The following SAMD11 variants were observed in gnomAD, a reference collection of about 807,000 sequenced individuals.
SAMD11 encodes sterile alpha motif domain containing 11.
SAMD11 carries 77 observed loss-of-function variants against 64.4 expected under a neutral mutation model. The observed-to-expected ratio is 1.20, with a 90% CI of 0.99 to 1.44. The LOEUF is 1.44. Among genes scored for constraint, SAMD11 ranks in the 40% most tolerant of loss-of-function variants. The pLI is 0.00. For synonymous variants in SAMD11, 658 were observed against 421.9 expected (o/e 1.56, Z -6.86); for missense variants, 1,402 against 943.3 (o/e 1.49, Z -6.37).
intron 11 of SAMD11, 64 bp downstream of exon 11, chr1:943,122 G>A (rs1436706946): frequency 1.2e-5 from 18 of 1,559,420 alleles, no homozygotes; most frequent in East Asian, 2.3e-5. Flanking sequence ...CCTGTGGAAG[G>A]GTCTTGGGGG....
intron 3 of SAMD11, 86 bp downstream of exon 3, chr1:930,422 C>A (rs1641116238): frequency 2.2e-6 from 3 of 1,384,996 alleles, no homozygotes; most frequent in African/African-American, 1.5e-5. Context: ...TGAGAGTGTC[C>A]ACACCGGCCT....
At chr1:943,447 T>C (rs970054836) in intron 12 of SAMD11, 70 bp downstream of exon 12, 2 of 1,351,010 alleles carry the variant, frequency 1.5e-6, no homozygotes, top group Non-Finnish European at 2.0e-6. Context: ...CTGGAAAGGA[T>C]GGTGGGGTAG....
At chr1:939,553 G>C in intron 7 of SAMD11, 141 bp downstream of exon 7, 1 of 1,500,678 alleles carries the variant, frequency 6.7e-7, no homozygotes, top group Non-Finnish European at 9.0e-7. Flanking sequence ...TGACACCAAG[G>C]CCAGGCTGGA....
Position 944,009 on chromosome 1 carries a change from A to G in SAMD11, c.2391A>G (p.Thr797=). The change falls in exon 14 of 14, where the codon ACA becomes ACG. Residue 797 remains threonine (T), a synonymous_variant. Transcript: ENST00000616016. ...GGGCCCCGGAGCGAGAACTCGGCAC[A>G]GGAGAGCAGCCCTTGTCCCCCACGA... ...TLRAPERELG[T]GEQPLSPTTA... 1 of 1,612,924 alleles carries G rather than the reference A, an allele frequency of 6.2e-7. No homozygotes were observed. Among genetic ancestry groups the G allele is most frequent in the Non-Finnish European group, 8.5e-7 (1 of 1,180,012 alleles).
At chr1:935,248 C>G (rs1188981313) in intron 4 of SAMD11, among the ~76,000 whole-genome samples, 1 of 152,144 alleles carries the variant, frequency 6.6e-6, no homozygotes, top group Admixed American at 6.5e-5. Flanking sequence ...GCGAGCTGCA[C>G]GTGTCTGCCG....
rs751254863 is a variant in SAMD11 at position 943,017 on chromosome 1, C to T, written c.2012C>T (p.Pro671Leu). The T allele has an allele frequency of 1.9e-4, 288 of 1,532,036 alleles. 2 individuals carry two copies. The East Asian group carries it at 5.8e-3, about 31-fold the overall frequency. The allele number at this position is 1,532,036 out of a possible 1,614,324, so 94.9% of individuals were successfully genotyped here. The change falls in exon 11 of 14, where the codon CCC becomes CTC. Residue 671 changes from proline (P) to leucine (L), a missense_variant. Physicochemically the swap from Pro to Leu is moderately conservative, Grantham distance 98. Transcript: ENST00000616016. ...GKGLFPGSTL[P>L]LGFPYAVSPY... ...GGGCTTTTCCCAGGGTCCACACTGC[C>T]CCTGGGCTTCCCTTATGCCGTCAGC...
intron 4 of SAMD11, among the ~76,000 whole-genome samples, chr1:933,388 C>A (rs925448873): frequency 6.6e-6 from 1 of 152,170 alleles, no homozygotes; most frequent in African/African-American, 2.4e-5. Context: ...CACCCAGCTC[C>A]CCACCAGGTG....
In SAMD11 at chr1:924,792, G is replaced by C. The variant is rs1313980412; in HGVS notation, c.361G>C (p.Gly121Arg). The C allele has an allele frequency of 6.6e-6, 1 of 152,172 alleles. No homozygotes were observed. The highest frequency in any genetic ancestry group is 2.4e-5 in the African/African-American group (1 of 41,444). 9.4% of individuals were successfully genotyped at this position (152,172 alleles called of 1,614,324 possible). The change falls in exon 1 of 14, where the codon GGC becomes CGC. Residue 121 changes from glycine (G) to arginine (R), a missense_variant. Physicochemically the swap from Gly to Arg is moderately radical, Grantham distance 125. Transcript: ENST00000616016. ...CGAGCCGTGCATCGAGGTGGAGTGCGGCGCCAACCGCGCGCTGCTCTACGT... is the reference window on the plus strand; with the variant it reads ...CGAGCCGTGCATCGAGGTGGAGTGCCGCGCCAACCGCGCGCTGCTCTACGT... ...NGEPCIEVEC[G>R]ANRALLYVRK...
chr1:943,229 C>T (rs368816198), intron 11 of SAMD11, 24 bp from the exon 12 acceptor site: 21 of 1,612,330 alleles, frequency 1.3e-5, no homozygotes, highest in Middle Eastern at 1.6e-4. Flanking sequence ...AGCCAGAGCC[C>T]TAGTAACACG....
intron 13 of SAMD11, 30 bp from the exon 14 acceptor site, chr1:943,878 G>T (rs190531469): frequency 6.2e-7 from 1 of 1,612,958 alleles, no homozygotes; most frequent in Non-Finnish European, 8.5e-7. Flanking sequence ...GTGGGTGTGC[G>T]ACAGCCCCCA....
At chr1:933,601 C>T (rs13303037) in intron 4 of SAMD11, among the ~76,000 whole-genome samples, 119,048 of 152,110 alleles carry the variant, frequency 0.78, 51,405 homozygotes, top group Non-Finnish European at 0.97. Context: ...GCCAGGCCAG[C>T]CCTCAGCCCC....
At chr1:938,677 G>A (rs970363410) in intron 5 of SAMD11, among the ~76,000 whole-genome samples, 5 of 152,348 alleles carry the variant, frequency 3.3e-5, no homozygotes, top group African/African-American at 9.6e-5. Context: ...TCCAGGAGGG[G>A]AAGGTGGTGC....
chr1:924,624 C>T lies in SAMD11; in HGVS notation c.193C>T (p.Pro65Ser), dbSNP rs1640795068. The T allele has an allele frequency of 6.6e-6, 1 of 152,000 alleles. No individual in the cohort carries two copies. 9.4% of individuals were successfully genotyped at this position (152,000 alleles called of 1,614,324 possible). Residue 65 changes from proline (P) to serine (S), a missense_variant, in exon 1 of 14, where the codon CCG (proline) becomes TCG (serine). Pro to Ser is a moderately conservative substitution (Grantham distance 74). Coordinates refer to ENST00000616016, the MANE Select transcript of SAMD11 (RefSeq NM_001385641.1). The part of the protein sequence containing the change: ...SAAGYEALLA[P>S]PLRPPRAYLS... ...CGCCGGTTACGAGGCTCTGCTGGCC[C>T]CGCCGCTCCGCCCCCCGCGCGCCTA...
rs532223862 is a variant in SAMD11, at chr1:942,649, C to G, written c.1644C>G (p.Asn548Lys). 7.0e-7 allele frequency: 1 copy of G among 1,435,922 alleles called. No homozygotes were observed. The highest frequency in any genetic ancestry group is 9.1e-7 in the Non-Finnish European group (1 of 1,101,576). The allele number at this position is 1,435,922 out of a possible 1,614,324, so 88.9% of individuals were successfully genotyped here. A position where few individuals can be genotyped will look rare whatever the true frequency, so the allele number is the denominator to read the frequency against. The change falls in exon 11 of 14, where the codon AAC (asparagine) becomes AAG (lysine). Residue 548 changes from asparagine (N) to lysine (K), a missense_variant. Asn to Lys is a moderately conservative substitution (Grantham distance 94). Coordinates refer to ENST00000616016, the MANE Select transcript of SAMD11 (RefSeq NM_001385641.1). The stretch of plus-strand genomic sequence containing the variant: ...CGCCCGAGACCGCCCTGCGCCCCAA[C>G]GACGGCGCCGAGGAGCTGCAGCGGC... ...LLAPETALRPNDGAEELQRRG... is the reference protein window; with the variant it reads ...LLAPETALRPKDGAEELQRRG...
chr1:936,198 G>T (rs991868870), intron 5 of SAMD11, among the ~76,000 whole-genome samples: 1 of 152,166 alleles, frequency 6.6e-6, no homozygotes, highest in South Asian at 2.1e-4. Context: ...CGCACACCCT[G>T]GAGGAACGCA....
At chr1:939,453 C>G in intron 7 of SAMD11, 41 bp downstream of exon 7, 1 of 1,600,330 alleles carries the variant, frequency 6.2e-7, no homozygotes, top group Non-Finnish European at 8.5e-7. Context: ...ATCACCTCCC[C>G]AGCCACGGTG....
chr1:943,461 C>T (rs929523981), intron 12 of SAMD11, 84 bp downstream of exon 12: 13 of 1,210,582 alleles, frequency 1.1e-5, no homozygotes, highest in Non-Finnish European at 1.4e-5. Context: ...GGGGTAGGGC[C>T]ATTCCCCAAC....
intron 2 of SAMD11, among the ~76,000 whole-genome samples, chr1:929,947 C>G (rs918795352): frequency 1.3e-5 from 2 of 152,202 alleles, no homozygotes; most frequent in African/African-American, 4.8e-5. Flanking sequence ...AGCTGTGGCT[C>G]CTGCTGGCCC....
At chr1:927,043 C>G (rs1293843455) in intron 2 of SAMD11, among the ~76,000 whole-genome samples, 1 of 152,174 alleles carries the variant, frequency 6.6e-6, no homozygotes, top group Non-Finnish European at 1.5e-5. Context: ...GTGAAGACGG[C>G]TGGTCCCTCA....
Sources: gnomAD v4.1 joint callset for allele counts (sites outside exome capture counted in the v4.1 genomes callset) on GRCh38, gnomAD v4.1.1 for gene constraint, MANE v1.5 for transcripts, NCBI Gene and HGNC (gene_info 2026-07-23, HGNC 2026-07-21) for gene names.